The following CTNND2 variants were observed in gnomAD, a reference collection of about 807,000 sequenced individuals.
CTNND2 encodes the protein catenin delta-2.
CTNND2 carries 22 observed loss-of-function variants against 144.4 expected under a neutral mutation model. The ratio of observed to expected loss-of-function variants is 0.15; its 90% CI spans 0.11 to 0.22. The LOEUF is 0.22. CTNND2 is among the 10% of genes least tolerant of loss of function. CTNND2 has a pLI of 1.00. For synonymous variants in CTNND2, 751 were observed against 695.6 expected (o/e 1.08, Z -1.25); for missense variants, 1,353 against 1,618.8 (o/e 0.84, Z 2.82).
At chr5:11,682,482 TA>T (rs2126630625) in intron 2 of CTNND2, among the ~76,000 whole-genome samples, 1 of 152,334 alleles carries the variant, frequency 6.6e-6, no homozygotes, top group South Asian at 2.1e-4. Flanking sequence ...GTGTTCTAAA[TA>T]AAAGAATTAT....
chr5:11,365,907 C>T (rs944309747), intron 7 of CTNND2, among the ~76,000 whole-genome samples: 1 of 152,180 alleles, frequency 6.6e-6, no homozygotes, highest in African/African-American at 2.4e-5. Flanking sequence ...GAATACAGAA[C>T]ACGGACAAGA....
intron 1 of CTNND2, among the ~76,000 whole-genome samples, chr5:11,737,556 T>C (rs1787757833): frequency 6.6e-6 from 1 of 152,072 alleles, no homozygotes; most frequent in Non-Finnish European, 1.5e-5. Context: ...GTCCAGAAAA[T>C]AATAAAACAA....
chr5:11,725,202 G>A (rs1786944667), intron 2 of CTNND2, among the ~76,000 whole-genome samples: 1 of 152,172 alleles, frequency 6.6e-6, no homozygotes, highest in African/African-American at 2.4e-5. Flanking sequence ...ATGCATGCTA[G>A]AGATAACTCC....
intron 1 of CTNND2, among the ~76,000 whole-genome samples, chr5:11,814,527 C>T (rs563411088): frequency 1.3e-5 from 2 of 152,288 alleles, no homozygotes; most frequent in South Asian, 4.1e-4. Flanking sequence ...TGTGGTGAGC[C>T]AGGTTGGAGA....
Position 10,973,123 on chromosome 5 carries a change from C to T in CTNND2, c.*330G>A, listed in dbSNP as rs1006997520. On this transcript the variant is annotated 3_prime_UTR_variant, in exon 22 of 22. Transcript: ENST00000304623. This position sits in a 1 kb window ranked among gnomAD's most constrained non-coding sequence, Gnocchi z 5.6. Reference sequence around the variant, plus strand: ...CTGTGTCTTGTGCTTAACGATAACCCTTACGCCCCACCGGCCCGAATGCCT... The same window carrying T: ...CTGTGTCTTGTGCTTAACGATAACCTTTACGCCCCACCGGCCCGAATGCCT... 7 of 220,968 alleles carry T rather than the reference C, an allele frequency of 3.2e-5. No homozygotes were observed. The highest frequency in any genetic ancestry group is 2.6e-4 in the South Asian group (2 of 7,680). The allele number at this position is 220,968 out of a possible 1,614,324, so 13.7% of individuals were successfully genotyped here.
intron 2 of CTNND2, among the ~76,000 whole-genome samples, chr5:11,608,225 G>A (rs2126366216): frequency 6.6e-6 from 1 of 152,258 alleles, no homozygotes; most frequent in African/African-American, 2.4e-5. Context: ...AATTAATGCA[G>A]TGTTTTCTCA....
chr5:11,139,281 A>C (rs151110875), intron 12 of CTNND2, among the ~76,000 whole-genome samples: 2 of 152,290 alleles, frequency 1.3e-5, no homozygotes, highest in Admixed American at 1.3e-4. Flanking sequence ...TTTGATCTGG[A>C]AACCAAAAGA....
intron 2 of CTNND2, among the ~76,000 whole-genome samples, chr5:11,592,022 T>C (rs1581576830): frequency 6.6e-6 from 1 of 151,710 alleles, no homozygotes; most frequent in Admixed American, 6.6e-5. Flanking sequence ...TTGGGACTTG[T>C]CCTTCATAGA....
At chr5:11,600,284 A>G (rs1779716233) in intron 2 of CTNND2, among the ~76,000 whole-genome samples, 1 of 152,338 alleles carries the variant, frequency 6.6e-6, no homozygotes, top group East Asian at 1.9e-4. Flanking sequence ...TGTGAAGTAC[A>G]CTAAAACTAA....
intron 3 of CTNND2, among the ~76,000 whole-genome samples, chr5:11,554,921 AT>A (rs1433712934): frequency 6.6e-6 from 1 of 150,948 alleles, no homozygotes; most frequent in Non-Finnish European, 1.5e-5. Flanking sequence ...ATATATATAA[AT>A]ATATCTACAT....
rs1761537739 is a variant in CTNND2 at position 11,411,605 on chromosome 5, C to T, written c.370G>A (p.Val124Met). 1 of 1,612,810 alleles carries T rather than the reference C, an allele frequency of 6.2e-7. No individual in the cohort carries two copies. Among genetic ancestry groups the T allele is most frequent in the Admixed American group, 1.7e-5 (1 of 59,918 alleles). ...TGTAGTGACCTAATACAGGAGTCCACCAGCTCGAGACCTGTTGTAAGCTCA... is the reference window on the plus strand; with the variant it reads ...TGTAGTGACCTAATACAGGAGTCCATCAGCTCGAGACCTGTTGTAAGCTCA... Reference protein sequence around the residue: ...EDELTTGLELVDSCIRSLQES... With the variant: ...EDELTTGLELMDSCIRSLQES... Residue 124 changes from valine (V) to methionine (M), a missense_variant, in exon 5 of 22, where the codon GTG (valine) becomes ATG (methionine). By Grantham distance (21) the Val-to-Met change is conservative. Coordinates refer to ENST00000304623, the MANE Select transcript of CTNND2 (RefSeq NM_001332.4).
intron 5 of CTNND2, among the ~76,000 whole-genome samples, chr5:11,404,448 T>C (rs938443392): frequency 2.6e-5 from 4 of 152,036 alleles, no homozygotes; most frequent in Non-Finnish European, 2.9e-5. Flanking sequence ...TAATAAGTGG[T>C]TAATACATAC....
At chr5:11,496,881 G>A (rs1246418078) in intron 3 of CTNND2, among the ~76,000 whole-genome samples, 2 of 151,284 alleles carry the variant, frequency 1.3e-5, no homozygotes, top group East Asian at 1.9e-4. Context: ...GACATGGTGT[G>A]AGAGTGGGAC....
Position 10,988,853 on chromosome 5 carries a change from G to A in CTNND2, c.3212-611C>T, listed in dbSNP as rs1738343799. Among the ~76,000 whole-genome samples the A allele has an allele frequency of 6.6e-6, 1 of 152,132 alleles. No individual in the cohort carries two copies. The highest frequency in any genetic ancestry group is 2.1e-4 in the South Asian group (1 of 4,812). On this transcript the variant is annotated intron_variant, in intron 19 of 21. Coordinates refer to ENST00000304623, the MANE Select transcript of CTNND2 (RefSeq NM_001332.4). This position sits in a 1 kb window ranked among gnomAD's most constrained non-coding sequence, Gnocchi z 5.9. ...GGGGTGGGCTGGGGAGGGGCATGGA[G>A]GCAGCTCTAGTTCCTGCTAGGGCAT...
intron 1 of CTNND2, among the ~76,000 whole-genome samples, chr5:11,743,743 G>A (rs1017468802): frequency 5.9e-5 from 9 of 152,116 alleles, no homozygotes; most frequent in Admixed American, 3.9e-4. Flanking sequence ...GCTGGAGGGT[G>A]GAGAGCTGGT....
chr5:11,641,866 T>G (rs1782079843), intron 2 of CTNND2, among the ~76,000 whole-genome samples: 1 of 151,248 alleles, frequency 6.6e-6, no homozygotes. Context: ...ACATATATAT[T>G]TTGCCACACT....
At chr5:11,322,419 CATA>C (rs1235925115) in intron 9 of CTNND2, among the ~76,000 whole-genome samples, 1 of 152,140 alleles carries the variant, frequency 6.6e-6, no homozygotes, top group Non-Finnish European at 1.5e-5. Context: ...AGCATAGTTG[CATA>C]ATAATATTAT....
At chr5:11,279,804 G>A (rs2149994022) in intron 9 of CTNND2, among the ~76,000 whole-genome samples, 1 of 152,326 alleles carries the variant, frequency 6.6e-6, no homozygotes, top group South Asian at 2.1e-4. Flanking sequence ...CATGGTGAAA[G>A]CAGGAGCAAG....
At chr5:11,534,997 G>A (rs1451806363) in intron 3 of CTNND2, among the ~76,000 whole-genome samples, 1 of 152,018 alleles carries the variant, frequency 6.6e-6, no homozygotes, top group Non-Finnish European at 1.5e-5. Context: ...GACCAGCCTG[G>A]CCAACATGAC....
Sources: gnomAD v4.1 joint callset for allele counts (sites outside exome capture counted in the v4.1 genomes callset) on GRCh38, gnomAD v4.1.1 for gene constraint, Gnocchi (gnomAD v3.1) non-coding constraint, MANE v1.5 for transcripts, NCBI Gene and HGNC (gene_info 2026-07-23, HGNC 2026-07-21) for gene names.